HLCS: variants seen among roughly 807,000 people sequenced by gnomAD.
HLCS encodes the protein holocarboxylase synthetase.
HLCS carries 53 observed loss-of-function variants against 75.0 expected under a neutral mutation model. That is an observed-to-expected ratio of 0.71 (90% confidence interval 0.57 to 0.89). The LOEUF (loss-of-function observed/expected upper bound fraction) is 0.89. HLCS is among the 40% of genes least tolerant of loss of function. HLCS has a pLI of 0.00. For missense variants in HLCS, 966 were observed against 1,074.0 expected, an observed-to-expected ratio of 0.90 and a Z score of 1.41; for synonymous variants, 431 against 428.6, an observed-to-expected ratio of 1.01 and a Z score of -0.07.
intron 6 of HLCS, among the ~76,000 whole-genome samples, chr21:36,768,029 C>T (rs1351769545): frequency 6.6e-6 from 1 of 152,204 alleles, no homozygotes; most frequent in East Asian, 1.9e-4. Context: ...AAAACTCCCA[C>T]TCTGAGAATT....
At chr21:36,861,075 A>G (rs2063365670) in intron 6 of HLCS, among the ~76,000 whole-genome samples, 1 of 152,244 alleles carries the variant, frequency 6.6e-6, no homozygotes, top group Non-Finnish European at 1.5e-5. Context: ...TGGAATGCTG[A>G]CCAGGTTCTG....
intron 5 of HLCS, among the ~76,000 whole-genome samples, chr21:36,921,375 G>C (rs2066159049): frequency 6.6e-6 from 1 of 152,190 alleles, no homozygotes; most frequent in Non-Finnish European, 1.5e-5. Context: ...AACCCGGGAG[G>C]TGGAGGTTGC....
intron 6 of HLCS, among the ~76,000 whole-genome samples, chr21:36,776,053 A>G (rs566370982): frequency 5.9e-5 from 9 of 152,386 alleles, no homozygotes; most frequent in African/African-American, 2.2e-4. Context: ...AAAGCCACAT[A>G]GCAAGCAAAC....
chr21:36,774,295 C>T (rs895593541), intron 6 of HLCS, among the ~76,000 whole-genome samples: 3 of 152,124 alleles, frequency 2.0e-5, no homozygotes, highest in Non-Finnish European at 2.9e-5. Flanking sequence ...TCCCAAGGAA[C>T]TTTAGAAACA....
chr21:36,956,280 G>A (rs751505531), intron 2 of HLCS, among the ~76,000 whole-genome samples: 41 of 152,034 alleles, frequency 2.7e-4, no homozygotes, highest in Non-Finnish European at 2.9e-4. Context: ...TAGTTCTAGC[G>A]GTGAGTTCAT....
intron 9 of HLCS, among the ~76,000 whole-genome samples, chr21:36,757,368 C>A (rs1183422906): frequency 6.6e-6 from 1 of 152,152 alleles, no homozygotes; most frequent in East Asian, 1.9e-4. Flanking sequence ...TAAACCAAGG[C>A]TTCATGAGAG....
At chr21:36,762,906 A>AG (rs530462328) in intron 8 of HLCS, among the ~76,000 whole-genome samples, 10 of 152,246 alleles carry the variant, frequency 6.6e-5, no homozygotes, top group Non-Finnish European at 1.3e-4. Flanking sequence ...TCAAAGTCAG[A>AG]GCCATGAAAA....
intron 5 of HLCS, among the ~76,000 whole-genome samples, chr21:36,928,093 C>A (rs1192685428): frequency 6.6e-6 from 1 of 152,188 alleles, no homozygotes; most frequent in Non-Finnish European, 1.5e-5. Flanking sequence ...ACCCATAGCA[C>A]AGTGACTAGA....
chr21:36,896,773 C>T, intron 6 of HLCS, 87 bp downstream of exon 6: 4 of 1,466,834 alleles, frequency 2.7e-6, no homozygotes, highest in Non-Finnish European at 3.8e-6. Context: ...TCCTCTACAA[C>T]TCTATCCCCT....
At chr21:36,850,596 G>T (rs987810209) in intron 6 of HLCS, among the ~76,000 whole-genome samples, 1 of 150,962 alleles carries the variant, frequency 6.6e-6, no homozygotes, top group Non-Finnish European at 1.5e-5. Flanking sequence ...TGTCCTTAGC[G>T]CCTTGAGTCC....
intron 6 of HLCS, among the ~76,000 whole-genome samples, chr21:36,892,709 AAT>A (rs2064843536): frequency 2.0e-5 from 3 of 152,170 alleles, no homozygotes; most frequent in African/African-American, 7.2e-5. Flanking sequence ...CTTCCTTAGG[AAT>A]ACAACTCCCA....
intron 6 of HLCS, among the ~76,000 whole-genome samples, chr21:36,877,872 C>A (rs564950098): frequency 6.6e-6 from 1 of 152,242 alleles, no homozygotes; most frequent in South Asian, 2.1e-4. Context: ...ACAAGTTTAT[C>A]TTCCTTGAGC....
At chr21:36,772,508 A>G (rs558296394) in intron 6 of HLCS, among the ~76,000 whole-genome samples, 1 of 151,936 alleles carries the variant, frequency 6.6e-6, no homozygotes, top group East Asian at 1.9e-4. Context: ...GCATGGAGGT[A>G]CATGCCTGTG....
At position 36,765,046 on chromosome 21, in the gene HLCS, A is replaced by G. The variant is rs1195025540; in HGVS notation, c.2087T>C (p.Val696Ala). ...GGGAATGGACCTCACTGCTTCCACGACAGCCACGGACATCAGATGCTGGAC... is the reference window on the plus strand; with the variant it reads ...GGGAATGGACCTCACTGCTTCCACGGCAGCCACGGACATCAGATGCTGGAC... Reference protein sequence around the residue: ...PFVQHLMSVAVVEAVRSIPEY... With the variant: ...PFVQHLMSVAAVEAVRSIPEY... Residue 696 changes from valine (V) to alanine (A), a missense_variant, in exon 8 of 11, where the codon GTC becomes GCC. Coordinates refer to ENST00000674895, the MANE Select transcript of HLCS (RefSeq NM_001352514.2). The G allele has an allele frequency of 4.3e-6, 7 of 1,614,206 alleles. No homozygotes were observed. Among genetic ancestry groups the G allele is most frequent in the Admixed American group, 3.3e-5 (2 of 60,032 alleles).
At chr21:36,782,935 C>G (rs2060577865) in intron 6 of HLCS, among the ~76,000 whole-genome samples, 1 of 152,146 alleles carries the variant, frequency 6.6e-6, no homozygotes, top group African/African-American at 2.4e-5. Context: ...CGAGATCACA[C>G]CACTGCACTC....
intron 2 of HLCS, among the ~76,000 whole-genome samples, chr21:36,952,123 T>G (rs576944956): frequency 6.6e-6 from 1 of 152,274 alleles, no homozygotes; most frequent in South Asian, 2.1e-4. Context: ...CCTTCTTCCA[T>G]AATATATTTT....
At chr21:36,874,414 T>C (rs202229718) in intron 6 of HLCS, among the ~76,000 whole-genome samples, 2 of 146,834 alleles carry the variant, frequency 1.4e-5, no homozygotes, top group East Asian at 3.9e-4. Flanking sequence ...AAAAATAAAA[T>C]AAAATAAAAT....
chr21:36,768,637 C>T (rs114332776), intron 6 of HLCS, among the ~76,000 whole-genome samples: 151 of 152,328 alleles, frequency 9.9e-4, no homozygotes, highest in African/African-American at 3.1e-3. Context: ...TCTTCCCACA[C>T]GGCTGCTGGA....
chr21:36,809,233 G>T (rs539343578), intron 6 of HLCS, among the ~76,000 whole-genome samples: 1 of 152,102 alleles, frequency 6.6e-6, no homozygotes, highest in East Asian at 1.9e-4. Context: ...AAAATTCTGG[G>T]TTAGAATTTT....
Sources: gnomAD v4.1 joint callset for allele counts (sites outside exome capture counted in the v4.1 genomes callset) on GRCh38, gnomAD v4.1.1 for gene constraint, MANE v1.5 for transcripts, NCBI Gene and HGNC (gene_info 2026-07-23, HGNC 2026-07-21) for gene names.